The following NXPE2 variants were observed in gnomAD, a reference collection of about 807,000 sequenced individuals.
NXPE2 encodes the protein neurexophilin and PC-esterase domain family member 2.
A neutral mutation model predicts 34.4 loss-of-function variants in NXPE2; 34 were observed. The ratio of observed to expected loss-of-function variants is 0.99; its 90% confidence interval spans 0.75 to 1.31. The LOEUF (loss-of-function observed/expected upper bound fraction) is 1.31. Among genes scored for constraint, NXPE2 ranks in the 40% most tolerant of loss-of-function variants. The pLI, the probability that NXPE2 is intolerant of heterozygous loss-of-function variation, is 0.00. For missense variants in NXPE2, 649 were observed against 672.5 expected (o/e 0.97, Z 0.39); for synonymous variants, 235 against 231.3 (o/e 1.02, Z -0.15).
At chr11:114,625,375 C>A in the NXPE2 span, among the ~76,000 whole-genome samples, 1 of 152,076 alleles carries the variant, frequency 6.6e-6, no homozygotes, top group African/African-American at 2.4e-5. Context: ...TCTTGGGTAA[C>A]CACTGTTACC....
the NXPE2 span, among the ~76,000 whole-genome samples, chr11:114,639,331 T>G: frequency 1.9e-4 from 29 of 152,158 alleles, no homozygotes; most frequent in Non-Finnish European, 2.2e-4. Context: ...AAGTGCAGTA[T>G]TAGGGTGGGA....
the NXPE2 span, among the ~76,000 whole-genome samples, chr11:114,766,530 C>G: frequency 2.0e-5 from 3 of 152,076 alleles, no homozygotes; most frequent in Non-Finnish European, 2.9e-5. Context: ...TTGCTTTATT[C>G]CCACACTTTC....
the NXPE2 span, among the ~76,000 whole-genome samples, chr11:114,794,498 A>G: frequency 6.6e-6 from 1 of 152,192 alleles, no homozygotes; most frequent in African/African-American, 2.4e-5. Context: ...AAGAAGCAAT[A>G]GAAACCAACT....
chr11:114,727,148 G>T, the NXPE2 span, among the ~76,000 whole-genome samples: 1 of 151,952 alleles, frequency 6.6e-6, no homozygotes, highest in Non-Finnish European at 1.5e-5. Context: ...ACCAATTTTT[G>T]TCTTAATTTG....
the NXPE2 span, among the ~76,000 whole-genome samples, chr11:114,600,549 A>C: frequency 6.6e-5 from 10 of 152,126 alleles, no homozygotes; most frequent in Non-Finnish European, 1.2e-4. Context: ...AAATTGAGTG[A>C]CGTTCTACAA....
chr11:114,633,377 T>G, the NXPE2 span, among the ~76,000 whole-genome samples: 2 of 143,642 alleles, frequency 1.4e-5, no homozygotes, highest in East Asian at 2.0e-4. Flanking sequence ...TAATATATTA[T>G]GTATTATATT....
chr11:114,800,313 A>G, the NXPE2 span, among the ~76,000 whole-genome samples: 5 of 152,354 alleles, frequency 3.3e-5, no homozygotes, highest in South Asian at 8.3e-4. Context: ...TTTCTTACTC[A>G]AAATGCCTTT....
the NXPE2 span, among the ~76,000 whole-genome samples, chr11:114,598,596 T>G: frequency 6.6e-6 from 1 of 152,166 alleles, no homozygotes; most frequent in African/African-American, 2.4e-5. Context: ...GCAGGCTTAA[T>G]AGCCTGTGGA....
the NXPE2 span, among the ~76,000 whole-genome samples, chr11:114,532,099 A>C: frequency 6.6e-6 from 1 of 152,196 alleles, no homozygotes; most frequent in Admixed American, 6.5e-5. Context: ...ACACATATAA[A>C]GCTTTGAAAA....
chr11:114,801,854 A>G, the NXPE2 span, among the ~76,000 whole-genome samples: 324 of 152,296 alleles, frequency 2.1e-3, 6 homozygotes, highest in Admixed American at 0.019. Context: ...GGGTAGGGGC[A>G]GAGAGGAGAG....
At chr11:114,692,473 G>A (rs1951171534) in intron 2 of NXPE2, among the ~76,000 whole-genome samples, 1 of 152,166 alleles carries the variant, frequency 6.6e-6, no homozygotes, top group Non-Finnish European at 1.5e-5. Flanking sequence ...AGGCTTGGAT[G>A]CCTGTGGAAT....
chr11:114,489,913 A>T, the NXPE2 span, among the ~76,000 whole-genome samples: 7 of 152,174 alleles, frequency 4.6e-5, no homozygotes, highest in Admixed American at 1.3e-4. Flanking sequence ...AGAGGAAGTC[A>T]CATTGTCCCT....
intron 3 of NXPE2, 43 bp downstream of exon 3, chr11:114,698,821 C>G (rs751508660): frequency 6.9e-7 from 1 of 1,443,548 alleles, no homozygotes; most frequent in South Asian, 1.5e-5. Flanking sequence ...AAAGAGGTAT[C>G]CGACCAAACT....
chr11:114,594,776 G>C, the NXPE2 span: 77 of 1,290,300 alleles, frequency 6.0e-5, no homozygotes, highest in East Asian at 1.8e-3. Flanking sequence ...GATCCTACAA[G>C]AGACAATACA....
chr11:114,533,193 G>T, the NXPE2 span, among the ~76,000 whole-genome samples: 21 of 152,240 alleles, frequency 1.4e-4, no homozygotes, highest in East Asian at 4.0e-3. Context: ...GTGACTGTTT[G>T]CAAAGAAACC....
chr11:114,678,571 A>C lies in NXPE2; in HGVS notation c.-5A>C, dbSNP rs986954538. 5.2e-6 allele frequency: 8 copies of C among 1,547,604 alleles called. No homozygotes were observed. In the African/African-American group the frequency reaches 9.6e-5, roughly 19 times the overall value. On this transcript the variant is annotated 5_prime_UTR_variant, in exon 1 of 6. Transcript: ENST00000389586. ...ACACTATAATTCCTGTGAGAACACG[A>C]GAAGATGGTGGAGAAAATACTCATC... is the stretch of plus-strand genomic sequence containing the variant.
At chr11:114,661,188 A>G in the NXPE2 span, among the ~76,000 whole-genome samples, 1 of 152,192 alleles carries the variant, frequency 6.6e-6, no homozygotes, top group East Asian at 1.9e-4. Context: ...AAATTGATCT[A>G]TAGATTCAAT....
the NXPE2 span, among the ~76,000 whole-genome samples, chr11:114,557,662 TATATATATATAA>T: frequency 6.3e-4 from 83 of 131,784 alleles, no homozygotes; most frequent in African/African-American, 2.7e-3. Context: ...TATATATATA[TATATATATATAA>T]AATCCTTGTT....
the NXPE2 span, among the ~76,000 whole-genome samples, chr11:114,574,010 C>A: frequency 6.6e-6 from 1 of 151,996 alleles, no homozygotes; most frequent in African/African-American, 2.4e-5. Flanking sequence ...ATATCAAGTA[C>A]TCTCTCAGAC....
Sources: allele counts gnomAD v4.1 joint callset (sites outside exome capture counted in the v4.1 genomes callset), GRCh38; gene constraint gnomAD v4.1.1; transcripts MANE v1.5; gene names NCBI Gene and HGNC (gene_info 2026-07-23, HGNC 2026-07-21).